The following GNAQ variants were observed in gnomAD, a reference collection of about 807,000 sequenced individuals.
GNAQ encodes the protein guanine nucleotide-binding protein G(q) subunit alpha.
A neutral mutation model predicts 43.9 loss-of-function variants in GNAQ; 8 were observed. The ratio of observed to expected loss-of-function variants is 0.18; its 90% CI spans 0.11 to 0.33. The LOEUF (loss-of-function observed/expected upper bound fraction) is 0.33, where lower values mean the gene tolerates loss of function less well. Among genes scored for constraint, GNAQ ranks in the 10% least tolerant of loss-of-function variants. The pLI, the probability that GNAQ is intolerant of heterozygous loss-of-function variation, is 1.00. For synonymous variants in GNAQ, 155 were observed against 170.7 expected (o/e 0.91, Z 0.71); for missense variants, 158 against 450.8 (o/e 0.35, Z 5.88).
intron 2 of GNAQ, among the ~76,000 whole-genome samples, chr9:77,850,122 G>A (rs1363528563): frequency 6.6e-6 from 1 of 152,220 alleles, no homozygotes; most frequent in East Asian, 1.9e-4. Flanking sequence ...TCACCTGATG[G>A]CCGCAGGCCC....
At chr9:77,941,972 G>C (rs554399022) in intron 1 of GNAQ, among the ~76,000 whole-genome samples, 7 of 148,866 alleles carry the variant, frequency 4.7e-5, no homozygotes, top group Non-Finnish European at 8.9e-5. Flanking sequence ...AAAGAGGTAG[G>C]GTAGAAAAAT....
intron 2 of GNAQ, among the ~76,000 whole-genome samples, chr9:77,901,410 T>C (rs1432363270): frequency 1.3e-5 from 2 of 152,156 alleles, no homozygotes; most frequent in Non-Finnish European, 2.9e-5. Flanking sequence ...CCTGGGACTG[T>C]TCCTGTACTT....
chr9:77,819,811 GTTT>G (rs1827083770), intron 2 of GNAQ, among the ~76,000 whole-genome samples: 1 of 149,906 alleles, frequency 6.7e-6, no homozygotes, highest in Non-Finnish European at 1.5e-5. Flanking sequence ...AGCCTTTTTG[GTTT>G]TGTTTTCTTC....
intron 3 of GNAQ, among the ~76,000 whole-genome samples, chr9:77,800,435 A>G (rs562590791): frequency 6.6e-6 from 1 of 152,200 alleles, no homozygotes; most frequent in East Asian, 1.9e-4. Flanking sequence ...GACATGGATG[A>G]AATTGGAAAT....
intron 2 of GNAQ, among the ~76,000 whole-genome samples, chr9:77,856,176 GC>G (rs1435879401): frequency 6.6e-6 from 1 of 152,130 alleles, no homozygotes; most frequent in Non-Finnish European, 1.5e-5. Context: ...GGGGGTACAG[GC>G]TGATTTATGG....
At chr9:77,785,132 G>A (rs1159068383) in intron 5 of GNAQ, among the ~76,000 whole-genome samples, 1 of 152,180 alleles carries the variant, frequency 6.6e-6, no homozygotes, top group Non-Finnish European at 1.5e-5. Flanking sequence ...TAAGGATCTT[G>A]AGATGAAATC....
At chr9:77,979,392 T>G (rs1823341970) in intron 1 of GNAQ, among the ~76,000 whole-genome samples, 1 of 151,678 alleles carries the variant, frequency 6.6e-6, no homozygotes, top group African/African-American at 2.4e-5. Context: ...AAATTAAAAT[T>G]AAAATATATG....
At chr9:78,021,854 C>T (rs1221491899) in intron 1 of GNAQ, among the ~76,000 whole-genome samples, 2 of 152,224 alleles carry the variant, frequency 1.3e-5, no homozygotes, top group African/African-American at 2.4e-5. Context: ...CTTGAGGATA[C>T]GGAAGAAAAG....
chr9:77,742,449 A>G (rs1401082254), intron 5 of GNAQ, among the ~76,000 whole-genome samples: 1 of 152,224 alleles, frequency 6.6e-6, no homozygotes, highest in Non-Finnish European at 1.5e-5. Flanking sequence ...TTTGCCCCAA[A>G]TAAGAGTTTT....
At chr9:77,878,151 T>G (rs1234436176) in intron 2 of GNAQ, among the ~76,000 whole-genome samples, 1 of 152,110 alleles carries the variant, frequency 6.6e-6, no homozygotes, top group African/African-American at 2.4e-5. Flanking sequence ...GTCCCTAACT[T>G]GACTGCCAGT....
In GNAQ at chr9:77,743,421, T is replaced by C. The variant is rs78921441; in HGVS notation, c.736-14754A>G. 4.3e-3 allele frequency among the ~76,000 whole-genome samples: 655 copies of C among 152,316 alleles called. 4 individuals carry two copies. The highest frequency in any genetic ancestry group is 0.015 in the African/African-American group (620 of 41,576). On this transcript the variant is annotated intron_variant, in intron 5 of 6. Transcript: ENST00000286548. The stretch of plus-strand genomic sequence containing the variant: ...AGAATGGAAATAGGTGGGAAAATTT[T>C]TGAACTTACAAGTGTCTTGAAGAGT...
chr9:77,983,044 G>T (rs757097198), intron 1 of GNAQ, among the ~76,000 whole-genome samples: 1 of 152,082 alleles, frequency 6.6e-6, no homozygotes, highest in Non-Finnish European at 1.5e-5. Flanking sequence ...TCTCTAACTG[G>T]CCCCTATATA....
intron 1 of GNAQ, among the ~76,000 whole-genome samples, chr9:77,973,186 A>G (rs1361267441): frequency 6.6e-6 from 1 of 152,086 alleles, no homozygotes; most frequent in Admixed American, 6.6e-5. Context: ...ATGGCCAAAA[A>G]TTATCCTTTA....
intron 2 of GNAQ, among the ~76,000 whole-genome samples, chr9:77,867,967 C>T (rs1827975282): frequency 6.6e-6 from 1 of 152,174 alleles, no homozygotes; most frequent in East Asian, 1.9e-4. Flanking sequence ...TTTAGCTTTG[C>T]AATGTAAAAT....
intron 2 of GNAQ, among the ~76,000 whole-genome samples, chr9:77,873,710 A>T (rs1232093236): frequency 6.6e-6 from 1 of 152,272 alleles, no homozygotes; most frequent in Admixed American, 6.5e-5. Context: ...AGCAAGATAT[A>T]CAAAAGCAGC....
intron 1 of GNAQ, among the ~76,000 whole-genome samples, chr9:78,020,125 G>A (rs777170211): frequency 1.5e-4 from 23 of 151,978 alleles, no homozygotes; most frequent in Non-Finnish European, 2.9e-4. Flanking sequence ...GAATCTACCT[G>A]GCAAGAATAT....
intron 6 of GNAQ, among the ~76,000 whole-genome samples, chr9:77,724,091 C>A (rs1825360516): frequency 6.6e-6 from 1 of 152,094 alleles, no homozygotes; most frequent in South Asian, 2.1e-4. Context: ...AACACCATCA[C>A]CTTTCAAGTA....
At chr9:78,010,236 G>C (rs1823757375) in intron 1 of GNAQ, among the ~76,000 whole-genome samples, 1 of 152,146 alleles carries the variant, frequency 6.6e-6, no homozygotes, top group Non-Finnish European at 1.5e-5. Context: ...GTTCATAAAA[G>C]GAAGAAAGCC....
intron 1 of GNAQ, among the ~76,000 whole-genome samples, chr9:77,995,449 A>G (rs931423456): frequency 6.6e-6 from 1 of 152,172 alleles, no homozygotes; most frequent in Non-Finnish European, 1.5e-5. Flanking sequence ...AATTCAGGGT[A>G]GAATATTAAG....
Sources: gnomAD v4.1 joint callset for allele counts (sites outside exome capture counted in the v4.1 genomes callset) on GRCh38, gnomAD v4.1.1 for gene constraint, MANE v1.5 for transcripts, NCBI Gene and HGNC (gene_info 2026-07-23, HGNC 2026-07-21) for gene names.